Variants in STRN observed in about 807,000 individuals in gnomAD.
The protein encoded by STRN is protein phosphatase 2 regulatory subunit B'''alpha.
In STRN, 53 loss-of-function variants were observed where a neutral mutation model predicts 96.3. That is an observed-to-expected ratio of 0.55 (90% CI 0.44 to 0.69). The LOEUF is 0.69. Among genes scored for constraint, STRN ranks in the 30% least tolerant of loss-of-function variants. The pLI is 0.00. For synonymous variants in STRN, 428 were observed against 355.9 expected, an observed-to-expected ratio of 1.20 and a Z score of -2.28; for missense variants, 987 against 963.9, an observed-to-expected ratio of 1.02 and a Z score of -0.32.
In STRN at chr2:36,849,319, T is replaced by G; in HGVS notation, c.*137A>C. ...AAACAGTATATGAATTGCAAAACTATACTTCAACAAATGTTCTCTGTGCTC... is the reference window on the plus strand; with the variant it reads ...AAACAGTATATGAATTGCAAAACTAGACTTCAACAAATGTTCTCTGTGCTC... On this transcript the variant is annotated 3_prime_UTR_variant, in exon 18 of 18. Transcript: ENST00000263918. The G allele has an allele frequency of 1.9e-6, 2 of 1,044,390 alleles. No individual in the cohort carries two copies. The highest frequency in any genetic ancestry group is 2.7e-6 in the Non-Finnish European group (2 of 732,668). The allele number at this position is 1,044,390 out of a possible 1,614,324, so 64.7% of individuals were successfully genotyped here.
rs1289264435 is a variant in STRN, at chr2:36,844,624, C to T, written c.*4832G>A. ...CCCCTAAGCACCACTTTAGGAATAC[C>T]GCCAGAATCAATGAGTGGGATCTAG... is the stretch of plus-strand genomic sequence containing the variant. On this transcript the variant is annotated 3_prime_UTR_variant, in exon 18 of 18. Transcript: ENST00000263918. 1 of 151,998 alleles carries T rather than the reference C, an allele frequency of 6.6e-6. No individual in the cohort carries two copies. Among genetic ancestry groups the T allele is most frequent in the African/African-American group, 2.4e-5 (1 of 41,460 alleles). The allele number at this position is 151,998 out of a possible 1,614,324, so 9.4% of individuals were successfully genotyped here.
Position 36,847,137 on chromosome 2 carries a change from T to C in STRN, c.*2319A>G, listed in dbSNP as rs1478420203. On this transcript the variant is annotated 3_prime_UTR_variant, in exon 18 of 18. Transcript: ENST00000263918. ...TCCGTAGTCTCCAATGCCACAGCAC[T>C]GGCTTTCTAAGGAACTTTCAACAGT... is the stretch of plus-strand genomic sequence containing the variant. The C allele has an allele frequency of 6.6e-6, 1 of 152,172 alleles. No homozygotes were observed. The highest frequency in any genetic ancestry group is 1.5e-5 in the Non-Finnish European group (1 of 68,026). 9.4% of individuals were successfully genotyped at this position (152,172 alleles called of 1,614,324 possible).
chr2:36,859,303 G>C (rs1668421331), intron 13 of STRN, among the ~76,000 whole-genome samples: 1 of 152,116 alleles, frequency 6.6e-6, no homozygotes, highest in African/African-American at 2.4e-5. Context: ...CAAAAAGAGT[G>C]ACAAAGACCT....
chr2:36,870,463 G>A (rs987495772), intron 10 of STRN, among the ~76,000 whole-genome samples: 7 of 152,128 alleles, frequency 4.6e-5, no homozygotes, highest in Admixed American at 1.3e-4. Context: ...ACAATCATGT[G>A]CCACATAAAT....
At chr2:36,861,931 T>C (rs529198424) in intron 12 of STRN, among the ~76,000 whole-genome samples, 30 of 152,276 alleles carry the variant, frequency 2.0e-4, no homozygotes, top group African/African-American at 7.2e-4. Context: ...TTCCCACCCT[T>C]CACAGTCAAG....
chr2:36,869,802 T>G, intron 10 of STRN, 73 bp from the exon 11 acceptor site: 1 of 1,223,462 alleles, frequency 8.2e-7, no homozygotes, highest in South Asian at 2.2e-5. Flanking sequence ...ATTTCAACAT[T>G]AATTCTTGCT....
At chr2:36,866,132 T>C (rs770746567) in intron 12 of STRN, among the ~76,000 whole-genome samples, 2 of 152,098 alleles carry the variant, frequency 1.3e-5, no homozygotes, top group Non-Finnish European at 2.9e-5. Context: ...TGGTGTGCAG[T>C]GGCATGACCT....
At chr2:36,944,946 A>G (rs1019269332) in intron 1 of STRN, among the ~76,000 whole-genome samples, 1 of 152,236 alleles carries the variant, frequency 6.6e-6, no homozygotes, top group African/African-American at 2.4e-5. Context: ...CATACTGCAA[A>G]TGGGAACGTA....
intron 3 of STRN, among the ~76,000 whole-genome samples, chr2:36,913,829 A>G (rs1670025002): frequency 6.6e-6 from 1 of 152,256 alleles, no homozygotes; most frequent in African/African-American, 2.4e-5. Context: ...GTATTCCCAG[A>G]GTATTTCCTA....
intron 2 of STRN, among the ~76,000 whole-genome samples, chr2:36,917,618 T>C (rs1670142585): frequency 6.6e-6 from 1 of 151,808 alleles, no homozygotes; most frequent in Non-Finnish European, 1.5e-5. Flanking sequence ...TACTGAAATC[T>C]TTCTTATTTT....
At chr2:36,963,234 G>C (rs1486512129) in intron 1 of STRN, among the ~76,000 whole-genome samples, 1 of 152,206 alleles carries the variant, frequency 6.6e-6, no homozygotes, top group African/African-American at 2.4e-5. Flanking sequence ...TGAGAGCTTG[G>C]ATTGCCTTTC....
At chr2:36,924,299 T>C (rs1670349972) in intron 2 of STRN, among the ~76,000 whole-genome samples, 5 of 140,336 alleles carry the variant, frequency 3.6e-5, no homozygotes, top group Middle Eastern at 4.0e-3. Context: ...GAGCTTGCAG[T>C]GAGCTGAGAT....
rs1018551214 is a variant in STRN, at chr2:36,961,045, T to C, written c.234+5185A>G. 4.0e-5 allele frequency among the ~76,000 whole-genome samples: 6 copies of C among 148,344 alleles called. No homozygotes were observed. In the Admixed American group the frequency reaches 4.1e-4, roughly 10 times the overall value. On this transcript the variant is annotated intron_variant, in intron 1 of 17. Coordinates refer to ENST00000263918, the MANE Select transcript of STRN (RefSeq NM_003162.4). ...ACGAGTAGCTGGGACCACAGACGCA[T>C]GCCAACGCACCCAGCTAACTTTGTG...
chr2:36,902,200 T>C (rs1669701290), intron 5 of STRN, among the ~76,000 whole-genome samples: 1 of 152,186 alleles, frequency 6.6e-6, no homozygotes, highest in Non-Finnish European at 1.5e-5. Flanking sequence ...TAAACAAAAG[T>C]GGTTAAAAAA....
intron 12 of STRN, among the ~76,000 whole-genome samples, chr2:36,865,523 T>A (rs1038569629): frequency 2.0e-5 from 3 of 152,042 alleles, no homozygotes; most frequent in African/African-American, 7.2e-5. Context: ...AGCTTTGGGG[T>A]TGGTTTTTCT....
intron 3 of STRN, among the ~76,000 whole-genome samples, chr2:36,907,659 G>C (rs1472423699): frequency 1.3e-5 from 2 of 152,124 alleles, no homozygotes; most frequent in Non-Finnish European, 2.9e-5. Context: ...TCATTTTAAA[G>C]ATAAGAAAGC....
At chr2:36,941,745 G>T (rs965853437) in intron 1 of STRN, among the ~76,000 whole-genome samples, 6 of 140,694 alleles carry the variant, frequency 4.3e-5, no homozygotes, top group Admixed American at 6.9e-5. Context: ...GTGGAGACGG[G>T]TTTCACCATG....
intron 7 of STRN, among the ~76,000 whole-genome samples, chr2:36,893,176 C>G (rs1669445324): frequency 6.6e-6 from 1 of 152,146 alleles, no homozygotes; most frequent in Admixed American, 6.5e-5. Context: ...GCAACTCAGT[C>G]CTGGCTATAA....
At chr2:36,893,581 G>C (rs1421261583) in intron 7 of STRN, among the ~76,000 whole-genome samples, 2 of 152,120 alleles carry the variant, frequency 1.3e-5, no homozygotes, top group Non-Finnish European at 2.9e-5. Context: ...TCCAACTAAA[G>C]TCTCATAATC....
Sources: gnomAD v4.1 joint callset for allele counts (sites outside exome capture counted in the v4.1 genomes callset) on GRCh38, gnomAD v4.1.1 for gene constraint, MANE v1.5 for transcripts, NCBI Gene and HGNC (gene_info 2026-07-23, HGNC 2026-07-21) for gene names.